CLCA1: variants seen among roughly 807,000 people sequenced by gnomAD.
The protein encoded by CLCA1 is calcium-activated chloride channel regulator 1.
In CLCA1, 59 loss-of-function variants were observed where a neutral mutation model predicts 85.6. That is an observed-to-expected ratio of 0.69 (90% CI 0.56 to 0.86). The LOEUF (loss-of-function observed/expected upper bound fraction) is 0.86, where lower values mean the gene tolerates loss of function less well. Ranked by LOEUF, CLCA1 falls within the 40% of genes least tolerant of loss-of-function variation. The pLI is 0.00. For synonymous variants in CLCA1, 396 were observed against 398.3 expected, an observed-to-expected ratio of 0.99 and a Z score of 0.07; for missense variants, 1,022 against 1,101.4, an observed-to-expected ratio of 0.93 and a Z score of 1.02.
At position 86,473,468 on chromosome 1, in the gene CLCA1, T is replaced by C. The variant is rs1215038587; in HGVS notation, c.214T>C (p.Phe72Leu). 3 of 1,610,592 alleles carry C rather than the reference T, an allele frequency of 1.9e-6. No homozygotes were observed. Among genetic ancestry groups the C allele is most frequent in the Non-Finnish European group, 2.5e-6 (3 of 1,177,066 alleles). Reference protein sequence around the residue: ...LYLLEATGKRFYFKNVAILIP... With the variant: ...LYLLEATGKRLYFKNVAILIP... ...TCTGCTTGAAGCTACAGGAAAGCGA[T>C]TTTATTTCAAAAATGTTGCCATTTT... is the stretch of plus-strand genomic sequence containing the variant. Residue 72 changes from phenylalanine to leucine, a missense_variant, in exon 2 of 14, where the codon TTT (phenylalanine) becomes CTT (leucine). Coordinates refer to ENST00000394711, the MANE Select transcript of CLCA1 (RefSeq NM_001285.4).
intron 10 of CLCA1, among the ~76,000 whole-genome samples, chr1:86,493,941 A>G (rs1164306808): frequency 1.3e-5 from 2 of 152,198 alleles, no homozygotes; most frequent in African/African-American, 4.8e-5. Context: ...AACAATAAGC[A>G]TATAGCTTTC....
In CLCA1 at chr1:86,493,365, G is replaced by C; in HGVS notation, c.1465-19G>C. ...GGGAGCTGTATTCTCCAGAAAGTAA[G>C]AGCTGTTTTTCTTAACAGCTTGAGA... is the stretch of plus-strand genomic sequence containing the variant. On this transcript the variant is annotated intron_variant, in intron 9 of 13. Transcript: ENST00000394711. 6.3e-7 allele frequency: 1 copy of C among 1,578,416 alleles called. No individual in the cohort carries two copies. Among genetic ancestry groups the C allele is most frequent in the Non-Finnish European group, 8.7e-7 (1 of 1,148,538 alleles).
chr1:86,499,990 A>C lies in CLCA1; in HGVS notation c.2690A>C (p.His897Pro), dbSNP rs1325872947. 1 of 1,613,132 alleles carries C rather than the reference A, an allele frequency of 6.2e-7. No homozygotes were observed. Among genetic ancestry groups the C allele is most frequent in the East Asian group, 2.2e-5 (1 of 44,872 alleles). ...IHINSTIPGI[H>P]ILKIMWKWIG... ...ATCAACAGCACCATTCCTGGCATTC[A>C]CATTTTAAAAATTATGTGGAAGTGG... Residue 897 changes from histidine to proline, a missense_variant, in exon 14 of 14, where the codon CAC (histidine) becomes CCC (proline). Physicochemically the swap from His to Pro is moderately conservative, Grantham distance 77. Coordinates refer to ENST00000394711, the MANE Select transcript of CLCA1 (RefSeq NM_001285.4).
At chr1:86,488,282 A>AATAG (rs1284979012) in intron 7 of CLCA1, among the ~76,000 whole-genome samples, 2 of 152,072 alleles carry the variant, frequency 1.3e-5, no homozygotes, top group Admixed American at 6.6e-5. Flanking sequence ...TCTCTTCTTA[A>AATAG]ATAGATAGCA....
intron 4 of CLCA1, among the ~76,000 whole-genome samples, chr1:86,481,312 G>T (rs1570282754): frequency 6.6e-6 from 1 of 151,564 alleles, no homozygotes; most frequent in Non-Finnish European, 1.5e-5. Context: ...AATTTTCATT[G>T]TATTTCTGGT....
chr1:86,474,096 G>A (rs1034432606), intron 3 of CLCA1, among the ~76,000 whole-genome samples: 12 of 151,978 alleles, frequency 7.9e-5, no homozygotes, highest in African/African-American at 2.7e-4. Context: ...GTATAAATAC[G>A]GTATTTTGAA....
In CLCA1 at chr1:86,495,038, T is replaced by TAA. The variant is rs35628188; in HGVS notation, c.1943-452_1943-451dup. ...GAGAGAGAAAGAGAATTCTACAGTT[T>TAA]AAAAAAAAAAAAAAAACATGTCTGC... is the stretch of plus-strand genomic sequence containing the variant. On this transcript the variant is annotated intron_variant, in intron 11 of 13. Transcript: ENST00000394711. Among the ~76,000 whole-genome samples, 279 of 136,900 alleles carry TAA rather than the reference T, an allele frequency of 2.0e-3. 3 individuals carry two copies. Among genetic ancestry groups the TAA allele is most frequent in the East Asian group, 0.012 (57 of 4,690 alleles). 89.8% of individuals were successfully genotyped at this position (136,900 alleles called of 152,430 possible).
At chr1:86,496,302 T>A (rs1228142701) in intron 12 of CLCA1, among the ~76,000 whole-genome samples, 1 of 152,258 alleles carries the variant, frequency 6.6e-6, no homozygotes. Context: ...GGGTTTGTTA[T>A]CTACATCAAT....
In CLCA1 at chr1:86,498,599, C is replaced by T. The variant is rs770986844; in HGVS notation, c.2141C>T (p.Pro714Leu). ...GAAATACAATGGAATCCACCAAGAC[C>T]TGAAATTAATAAGGATGATGTTCAA... Reference protein sequence around the residue: ...NDEIQWNPPRPEINKDDVQHK... With the variant: ...NDEIQWNPPRLEINKDDVQHK... Residue 714 changes from proline (P) to leucine (L), a missense_variant, in exon 13 of 14, where the codon CCT (proline) becomes CTT (leucine). Pro to Leu is a moderately conservative substitution (Grantham distance 98). Transcript: ENST00000394711. The T allele has an allele frequency of 6.2e-7, 1 of 1,613,510 alleles. No homozygotes were observed. The highest frequency in any genetic ancestry group is 8.5e-7 in the Non-Finnish European group (1 of 1,179,670).
At chr1:86,482,843 A>T (rs1472541688) in intron 5 of CLCA1, among the ~76,000 whole-genome samples, 2 of 152,182 alleles carry the variant, frequency 1.3e-5, no homozygotes, top group Non-Finnish European at 2.9e-5. Flanking sequence ...TACATTAGGG[A>T]GTTTACACAT....
At chr1:86,485,257 T>C in intron 5 of CLCA1, 86 bp from the exon 6 acceptor site, 1 of 1,005,030 alleles carries the variant, frequency 9.9e-7, no homozygotes, top group Non-Finnish European at 1.5e-6. Context: ...AGGTTATGCA[T>C]TAGCAGAGCA....
intron 1 of CLCA1, among the ~76,000 whole-genome samples, chr1:86,469,965 C>T (rs572900865): frequency 9.6e-4 from 146 of 152,232 alleles, no homozygotes; most frequent in African/African-American, 2.8e-3. Flanking sequence ...TGTAAGAATA[C>T]GGTGCAATAC....
chr1:86,498,619 G>T lies in CLCA1; in HGVS notation c.2161G>T (p.Val721Phe). Reference protein sequence around the residue: ...PPRPEINKDDVQHKQVCFSRT... With the variant: ...PPRPEINKDDFQHKQVCFSRT... Reference sequence around the variant, plus strand: ...AAGACCTGAAATTAATAAGGATGATGTTCAACACAAGCAAGTGTGTTTCAG... The same window carrying T: ...AAGACCTGAAATTAATAAGGATGATTTTCAACACAAGCAAGTGTGTTTCAG... The change falls in exon 13 of 14, where the codon GTT becomes TTT. Residue 721 changes from valine to phenylalanine, a missense_variant. Coordinates refer to ENST00000394711, the MANE Select transcript of CLCA1 (RefSeq NM_001285.4). 1 of 1,613,838 alleles carries T rather than the reference G, an allele frequency of 6.2e-7. No individual in the cohort carries two copies. Among genetic ancestry groups the T allele is most frequent in the Non-Finnish European group, 8.5e-7 (1 of 1,179,840 alleles).
chr1:86,495,101 G>A (rs1648239799), intron 11 of CLCA1, among the ~76,000 whole-genome samples: 1 of 150,964 alleles, frequency 6.6e-6, no homozygotes, highest in South Asian at 2.1e-4. Context: ...AATGAATCCT[G>A]TGAATGAATT....
Position 86,489,169 on chromosome 1 carries a change from A to G in CLCA1, c.1356A>G (p.Thr452=). The G allele has an allele frequency of 6.2e-7, 1 of 1,613,306 alleles. No homozygotes were observed. Among genetic ancestry groups the G allele is most frequent in the South Asian group, 1.1e-5 (1 of 90,954 alleles). Residue 452 remains threonine (T), a splice_region_variant and synonymous_variant, in exon 8 of 14, where the codon ACA becomes ACG. Transcript: ENST00000394711. ...AQELEELSKM[T]GGLQTYASDQ... ...AACTAGAGGAGCTGTCCAAAATGACAGGTGAGGGATGATTTGCTGAGACCC... is the reference window on the plus strand; with the variant it reads ...AACTAGAGGAGCTGTCCAAAATGACGGGTGAGGGATGATTTGCTGAGACCC...
Position 86,476,503 on chromosome 1 carries a change from C to T in CLCA1, c.507C>T (p.Tyr169=). The T allele has an allele frequency of 6.2e-7, 1 of 1,603,304 alleles. No homozygotes were observed. The highest frequency in any genetic ancestry group is 8.5e-7 in the Non-Finnish European group (1 of 1,170,450). Reference sequence around the variant, plus strand: ...TACGATGGGGAGTATTTGACGAGTACAATAATGATGAGAAATTCTACTTAT... The same window carrying T: ...TACGATGGGGAGTATTTGACGAGTATAATAATGATGAGAAATTCTACTTAT... ...AHLRWGVFDE[Y]NNDEKFYLSN... The change falls in exon 4 of 14, where the codon TAC becomes TAT. Residue 169 remains tyrosine (Y), a synonymous_variant. Coordinates refer to ENST00000394711, the MANE Select transcript of CLCA1 (RefSeq NM_001285.4).
At chr1:86,488,947 C>G (rs1339049162) in intron 7 of CLCA1, 49 bp from the exon 8 acceptor site, 2 of 1,508,860 alleles carry the variant, frequency 1.3e-6, no homozygotes, top group Admixed American at 1.9e-5. Context: ...TTCATAAACA[C>G]TTTGGCCACC....
rs984200890 is a variant in CLCA1, at chr1:86,473,667, C to T, written c.304-62C>T. 2.3e-5 allele frequency: 34 copies of T among 1,499,112 alleles called. No homozygotes were observed. The East Asian group carries it at 2.7e-4, about 12-fold the overall frequency. 92.9% of individuals were successfully genotyped at this position (1,499,112 alleles called of 1,614,324 possible). On this transcript the variant is annotated intron_variant, in intron 2 of 13. Coordinates refer to ENST00000394711, the MANE Select transcript of CLCA1 (RefSeq NM_001285.4). ...TGATTGTTTGAAACTTACTCCAGTA[C>T]GAATATGGTTAATTCATTTGCTGAA...
At chr1:86,486,334 C>T (rs367771330) in intron 6 of CLCA1, among the ~76,000 whole-genome samples, 192 bp from the exon 7 acceptor site, 1 of 152,204 alleles carries the variant, frequency 6.6e-6, no homozygotes, top group South Asian at 2.1e-4. Flanking sequence ...TATTTATACT[C>T]TGGCCCTAAA....
Sources: allele counts gnomAD v4.1 joint callset (sites outside exome capture counted in the v4.1 genomes callset), GRCh38; gene constraint gnomAD v4.1.1; transcripts MANE v1.5; gene names NCBI Gene and HGNC (gene_info 2026-07-23, HGNC 2026-07-21).